The following CCDC144A variants were observed in gnomAD, a reference collection of about 807,000 sequenced individuals.
CCDC144A encodes coiled-coil domain-containing protein 144A.
A neutral mutation model predicts 143.8 loss-of-function variants in CCDC144A; 41 were observed. That is an observed-to-expected ratio of 0.29 (90% CI 0.22 to 0.37). CCDC144A has a LOEUF of 0.37. Among genes scored for constraint, CCDC144A ranks in the 10% least tolerant of loss-of-function variants. CCDC144A has a pLI of 1.00. For missense variants in CCDC144A, 637 were observed against 1,488.8 expected (o/e 0.43, Z 9.41); for synonymous variants, 242 against 517.9 (o/e 0.47, Z 7.23).
the CCDC144A span, among the ~76,000 whole-genome samples, chr17:16,672,279 G>A: frequency 6.6e-6 from 1 of 151,960 alleles, no homozygotes; most frequent in Admixed American, 6.6e-5. Context: ...TGGTAGATCA[G>A]ATAAACCTGG....
chr17:16,712,563 A>G (rs1228030529), intron 6 of CCDC144A, among the ~76,000 whole-genome samples: 1 of 152,070 alleles, frequency 6.6e-6, no homozygotes, highest in African/African-American at 2.4e-5. Flanking sequence ...TGTAACATAC[A>G]ATAGGCTAAT....
chr17:16,696,916 A>G (rs4792765), intron 2 of CCDC144A, among the ~76,000 whole-genome samples: 90,105 of 149,402 alleles, frequency 0.6, 27,905 homozygotes, highest in African/African-American at 0.74. Context: ...TTCTTTACAT[A>G]TTTCTTTTAG....
At chr17:16,738,668 A>G (rs1946310913) in intron 12 of CCDC144A, among the ~76,000 whole-genome samples, 1 of 152,188 alleles carries the variant, frequency 6.6e-6, no homozygotes, top group Non-Finnish European at 1.5e-5. Context: ...TGGACATACC[A>G]CTAATTTATT....
chr17:16,746,999 G>T (rs1040754052), intron 12 of CCDC144A, among the ~76,000 whole-genome samples: 28 of 150,046 alleles, frequency 1.9e-4, no homozygotes, highest in Non-Finnish European at 5.9e-5. Context: ...ATTTCTAATA[G>T]TGTATTTCTT....
At chr17:16,717,360 T>C (rs1340003726) in intron 6 of CCDC144A, among the ~76,000 whole-genome samples, 1 of 152,132 alleles carries the variant, frequency 6.6e-6, no homozygotes, top group Non-Finnish European at 1.5e-5. Flanking sequence ...TCCGCCCGCC[T>C]CAGCCTCCCA....
chr17:16,722,945 A>G (rs2656335), intron 8 of CCDC144A, among the ~76,000 whole-genome samples: 1 of 152,100 alleles, frequency 6.6e-6, no homozygotes, highest in Non-Finnish European at 1.5e-5. Flanking sequence ...TTTTACGTCC[A>G]TGTTCATGAG....
At chr17:16,771,430 T>C (rs111980163) in intron 15 of CCDC144A, among the ~76,000 whole-genome samples, 3,436 of 152,224 alleles carry the variant, frequency 0.023, 81 homozygotes, top group African/African-American at 0.078. Context: ...ATAATATTTT[T>C]AATCTTTTGC....
At chr17:16,671,005 T>G in the CCDC144A span, among the ~76,000 whole-genome samples, 1 of 151,836 alleles carries the variant, frequency 6.6e-6, no homozygotes, top group African/African-American at 2.4e-5. Context: ...TTTTTTTTTT[T>G]GAGACACCAT....
At chr17:16,696,682 A>C (rs1040715222) in intron 2 of CCDC144A, among the ~76,000 whole-genome samples, 3 of 151,838 alleles carry the variant, frequency 2.0e-5, no homozygotes, top group African/African-American at 7.3e-5. Flanking sequence ...AATGAGTAGA[A>C]CTTTTCCTGT....
At chr17:16,729,590 T>C (rs1422229555) in intron 9 of CCDC144A, among the ~76,000 whole-genome samples, 1 of 152,150 alleles carries the variant, frequency 6.6e-6, no homozygotes, top group Non-Finnish European at 1.5e-5. Context: ...AGTTTCACTC[T>C]TGTTGCCCAG....
Position 16,704,473 on chromosome 17 carries a change from A to T in CCDC144A, c.416-678A>T, listed in dbSNP as rs528685786. 1.9e-3 allele frequency among the ~76,000 whole-genome samples: 285 copies of T among 151,862 alleles called. 1 individual carries two copies. Among genetic ancestry groups the T allele is most frequent in the African/African-American group, 3.1e-3 (130 of 41,314 alleles). On this transcript the variant is annotated intron_variant, in intron 2 of 16. Coordinates refer to ENST00000399273, the MANE Select transcript of CCDC144A (RefSeq NM_001382000.1). ...CCGTCTCAAAAAATAAAAAAAAAAA[A>T]TTTTACATCCCAACAATTTTGTTTA...
At chr17:16,738,639 T>G (rs992220440) in intron 12 of CCDC144A, among the ~76,000 whole-genome samples, 11 of 152,372 alleles carry the variant, frequency 7.2e-5, no homozygotes, top group Admixed American at 2.0e-4. Context: ...ATCTTATTGC[T>G]GAGTAATTTT....
chr17:16,710,799 G>A (rs959059578), intron 5 of CCDC144A, among the ~76,000 whole-genome samples: 2 of 152,048 alleles, frequency 1.3e-5, no homozygotes, highest in African/African-American at 2.4e-5. Flanking sequence ...TAACCTATCT[G>A]ATTAATTTGC....
chr17:16,676,155 A>G, the CCDC144A span, among the ~76,000 whole-genome samples: 1 of 152,144 alleles, frequency 6.6e-6, no homozygotes, highest in African/African-American at 2.4e-5. Flanking sequence ...GCAATGATAA[A>G]GCTTAAATTC....
At chr17:16,711,493 T>G (rs1484892143) in intron 5 of CCDC144A, among the ~76,000 whole-genome samples, 186 bp from the exon 6 acceptor site, 2 of 152,008 alleles carry the variant, frequency 1.3e-5, no homozygotes, top group Non-Finnish European at 2.9e-5. Flanking sequence ...GATAAAATTA[T>G]AATAATTATA....
the CCDC144A span, among the ~76,000 whole-genome samples, chr17:16,671,212 A>ATCTG: frequency 6.6e-6 from 1 of 151,998 alleles, no homozygotes; most frequent in Non-Finnish European, 1.5e-5. Flanking sequence ...CAAACTCATG[A>ATCTG]CCTCAGGTGA....
intron 12 of CCDC144A, among the ~76,000 whole-genome samples, chr17:16,736,165 T>G (rs1311429676): frequency 6.6e-6 from 1 of 151,920 alleles, no homozygotes; most frequent in East Asian, 1.9e-4. Flanking sequence ...CATATCAATT[T>G]GACTTAAATC....
intron 8 of CCDC144A, among the ~76,000 whole-genome samples, chr17:16,724,263 T>G (rs1006989401): frequency 1.2e-4 from 18 of 151,968 alleles, no homozygotes; most frequent in Non-Finnish European, 2.5e-4. Flanking sequence ...GCAGGCCGGG[T>G]GCAGTGGCTC....
chr17:16,686,909 C>A (rs1444592272), upstream of CCDC144A, among the ~76,000 whole-genome samples: 1 of 152,096 alleles, frequency 6.6e-6, no homozygotes, highest in Admixed American at 6.5e-5. Flanking sequence ...TAGGCTCCCC[C>A]AGGCCATCCG....
Sources: allele counts gnomAD v4.1 joint callset (sites outside exome capture counted in the v4.1 genomes callset), GRCh38; gene constraint gnomAD v4.1.1; transcripts MANE v1.5; gene names NCBI Gene and HGNC (gene_info 2026-07-23, HGNC 2026-07-21).